CCZ1: variants seen among roughly 807,000 people sequenced by gnomAD.
CCZ1 encodes the protein vacuolar fusion protein CCZ1 homolog.
In CCZ1, 19 loss-of-function variants were observed where a neutral mutation model predicts 57.8. The observed-to-expected ratio is 0.33, with a 90% confidence interval of 0.23 to 0.48. CCZ1 has a LOEUF of 0.48. Ranked by LOEUF, CCZ1 falls within the 20% of genes least tolerant of loss-of-function variation. The pLI is 0.99. For synonymous variants in CCZ1, 81 were observed against 167.0 expected, an observed-to-expected ratio of 0.49 and a Z score of 3.97; for missense variants, 200 against 492.0, an observed-to-expected ratio of 0.41 and a Z score of 5.61.
chr7:5,910,816 A>G (rs1164387159), intron 8 of CCZ1, among the ~76,000 whole-genome samples: 1 of 146,840 alleles, frequency 6.8e-6, no homozygotes. Context: ...GCTCACTGCA[A>G]CTTCCGCTTC....
chr7:5,912,798 T>G, intron 9 of CCZ1, 45 bp from the exon 10 acceptor site: 1 of 910,218 alleles, frequency 1.1e-6, no homozygotes, highest in Non-Finnish European at 1.8e-6. Flanking sequence ...TTCCTGATTC[T>G]CCTTCACCTC....
At chr7:5,915,480 T>C (rs1779129935) in intron 10 of CCZ1, among the ~76,000 whole-genome samples, 1 of 137,958 alleles carries the variant, frequency 7.2e-6, no homozygotes, top group African/African-American at 2.5e-5. Context: ...TACAGACATA[T>C]TGTGGGGTGT....
chr7:5,911,728 C>T (rs1463155920), intron 8 of CCZ1, 133 bp from the exon 9 acceptor site: 21 of 1,286,756 alleles, frequency 1.6e-5, no homozygotes, highest in East Asian at 6.6e-5. Context: ...GCCTGGGCAA[C>T]AGAACAAGAT....
intron 10 of CCZ1, 150 bp downstream of exon 10, chr7:5,913,104 T>C (rs62453612): frequency 0.14 from 105,244 of 742,104 alleles, 7,793 homozygotes; most frequent in Non-Finnish European, 0.16. Flanking sequence ...TGGGTGTTCT[T>C]CCAGCGTAAT....
chr7:5,922,817 C>T (rs868420283), intron 12 of CCZ1, among the ~76,000 whole-genome samples: 9,340 of 144,124 alleles, frequency 0.065, 79 homozygotes, highest in South Asian at 0.24. Flanking sequence ...ACTCATTCCC[C>T]GCACTGTGGG....
intron 10 of CCZ1, among the ~76,000 whole-genome samples, chr7:5,916,498 G>GTTTTTTTTTTTTTTTTTTTTT (rs764065119): frequency 9.0e-6 from 1 of 110,964 alleles, no homozygotes; most frequent in Non-Finnish European, 1.9e-5. Context: ...TTTTTGTTTT[G>GTTTTTTTTTTTTTTTTTTTTT]TTTTTTGTTT....
rs1205043047 is a variant in CCZ1, at chr7:5,907,144, C to T, written c.698+1875C>T. On this transcript the variant is annotated intron_variant, in intron 7 of 14. Coordinates refer to ENST00000325974, the MANE Select transcript of CCZ1 (RefSeq NM_015622.6). ...CCAGTGCTGGGATTACAGGTGTGAG[C>T]CACTGTGCCCCGCCTCCACCTACTT... is the stretch of plus-strand genomic sequence containing the variant. Among the ~76,000 whole-genome samples, 20 of 149,750 alleles carry T rather than the reference C, an allele frequency of 1.3e-4. 2 individuals are homozygous for T. Among genetic ancestry groups the T allele is most frequent in the African/African-American group, 4.9e-4 (20 of 40,486 alleles).
At position 5,914,297 on chromosome 7, in the gene CCZ1, A is replaced by G. The variant is rs544421527; in HGVS notation, c.954+1343A>G. 1.1e-3 allele frequency among the ~76,000 whole-genome samples: 167 copies of G among 148,166 alleles called. 4 individuals carry two copies. The highest frequency in any genetic ancestry group is 4.0e-3 in the African/African-American group (160 of 39,984). On this transcript the variant is annotated intron_variant, in intron 10 of 14. Transcript: ENST00000325974. The stretch of plus-strand genomic sequence containing the variant: ...GAAAATGTTTAAAAATTAGCCAGGC[A>G]TGGCAGTGCTCATGTGTAGTCCCAG...
chr7:5,910,689 T>G (rs62453610), intron 8 of CCZ1, among the ~76,000 whole-genome samples: 12 of 87,984 alleles, frequency 1.4e-4, no homozygotes, highest in Non-Finnish European at 1.7e-4. Context: ...TACTTTACTT[T>G]TAATTTATGT....
chr7:5,910,192 A>G (rs1781937184), intron 8 of CCZ1, 76 bp downstream of exon 8: 1 of 1,261,428 alleles, frequency 7.9e-7, no homozygotes, highest in Non-Finnish European at 1.1e-6. Flanking sequence ...ATGGTGGTGC[A>G]TGGGGGCGTT....
intron 8 of CCZ1, 41 bp downstream of exon 8, chr7:5,910,157 G>T (rs1781936096): frequency 1.3e-6 from 2 of 1,531,032 alleles, no homozygotes; most frequent in Admixed American, 1.7e-5. Flanking sequence ...ACATGCAGGG[G>T]CACAGAGAGG....
rs1779048327 is a variant in CCZ1 at position 5,911,939 on chromosome 7, T to G, written c.842+17T>G. The stretch of plus-strand genomic sequence containing the variant: ...CTATGGAAGGTAGGACTTCTGTTCT[T>G]TGATTTATGATACTGGGTTTTCTTT... On this transcript the variant is annotated intron_variant, in intron 9 of 14. Coordinates refer to ENST00000325974, the MANE Select transcript of CCZ1 (RefSeq NM_015622.6). 3 of 1,560,874 alleles carry G rather than the reference T, an allele frequency of 1.9e-6. No individual in the cohort carries two copies. In the East Asian group the frequency reaches 7.0e-5, roughly 36 times the overall value.
At chr7:5,902,166 T>G (rs1323763614) in intron 5 of CCZ1, 1 of 184,258 alleles carries the variant, frequency 5.4e-6, no homozygotes, top group Non-Finnish European at 1.1e-5. Context: ...GGTATCATGG[T>G]GCATGCCTGT....
In CCZ1 at chr7:5,902,744, G is replaced by C; in HGVS notation, c.522G>C (p.Arg174=). The C allele has an allele frequency of 6.3e-7, 1 of 1,591,058 alleles. No homozygotes were observed. The highest frequency in any genetic ancestry group is 8.5e-7 in the Non-Finnish European group (1 of 1,175,548). ...LKERLEKFFH[R]YLQTLHLQSC... ...AAAGATTAGAGAAATTCTTCCATCG[G>C]GTAAGTATTTTGAATTTCATTTATA... Residue 174 remains arginine, a splice_region_variant and synonymous_variant, in exon 6 of 15, where the codon CGG becomes CGC. Transcript: ENST00000325974.
intron 1 of CCZ1, among the ~76,000 whole-genome samples, chr7:5,899,332 GGGGTGTGT>G (rs1364655996): frequency 0.16 from 20,766 of 128,286 alleles, 1,502 homozygotes; most frequent in Middle Eastern, 0.25. Flanking sequence ...TTTCGGGAGG[GGGGTGTGT>G]GTGTGTGTGT....
rs1436283985 is a variant in CCZ1 at position 5,910,616 on chromosome 7, G to A, written c.780+500G>A. 2.1e-5 allele frequency among the ~76,000 whole-genome samples: 3 copies of A among 144,490 alleles called. No homozygotes were observed. The East Asian group carries it at 6.8e-4, about 33-fold the overall frequency. The allele number at this position is 144,490 out of a possible 152,430, so 94.8% of individuals were successfully genotyped here. A position where few individuals can be genotyped will look rare whatever the true frequency, so the allele number is the denominator to read the frequency against. ...GCTGGGATTACAGGCGTGAGCCACCGCCCCCAGTCCACAAGCATGTTTTTA... is the reference window on the plus strand; with the variant it reads ...GCTGGGATTACAGGCGTGAGCCACCACCCCCAGTCCACAAGCATGTTTTTA... On this transcript the variant is annotated intron_variant, in intron 8 of 14. Transcript: ENST00000325974.
At chr7:5,913,409 A>G (rs1189700619) in intron 10 of CCZ1, among the ~76,000 whole-genome samples, 2 of 148,522 alleles carry the variant, frequency 1.3e-5, no homozygotes, top group African/African-American at 5.0e-5. Flanking sequence ...GTTTCTAATT[A>G]AAGGCAGTTT....
At chr7:5,905,832 G>C (rs192697038) in intron 7 of CCZ1, among the ~76,000 whole-genome samples, 6 of 130,014 alleles carry the variant, frequency 4.6e-5, no homozygotes, top group African/African-American at 1.4e-4. Context: ...ATCAAGTAAG[G>C]TTTAGGAATC....
intron 8 of CCZ1, among the ~76,000 whole-genome samples, chr7:5,910,713 T>TTA (rs59678705): frequency 2.3e-5 from 2 of 85,206 alleles, no homozygotes; most frequent in African/African-American, 9.2e-5. Context: ...TTATTTTATT[T>TTA]ATTTATTTAT....
Sources: allele counts gnomAD v4.1 joint callset (sites outside exome capture counted in the v4.1 genomes callset), GRCh38; gene constraint gnomAD v4.1.1; transcripts MANE v1.5; gene names NCBI Gene and HGNC (gene_info 2026-07-23, HGNC 2026-07-21).